GID4: variants seen among roughly 807,000 people sequenced by gnomAD.
GID4 encodes the protein GID complex subunit 4 homolog.
GID4 carries 7 observed loss-of-function variants against 32.4 expected under a neutral mutation model. The ratio of observed to expected loss-of-function variants is 0.22; its 90% CI spans 0.12 to 0.41. The LOEUF is 0.41. Among genes scored for constraint, GID4 ranks in the 10% least tolerant of loss-of-function variants. GID4 has a pLI of 1.00. For missense variants in GID4, 309 were observed against 400.0 expected (o/e 0.77, Z 1.94); for synonymous variants, 166 against 170.0 (o/e 0.98, Z 0.18).
rs2045021289 is a variant in GID4, at chr17:18,061,999, C to G, written c.839+24C>G. Reference sequence around the variant, plus strand: ...TGGTGAGGACCTCTGAGGACAGAGGCCACGGGGAGGGCTTGCTGCCCAGCT... The same window carrying G: ...TGGTGAGGACCTCTGAGGACAGAGGGCACGGGGAGGGCTTGCTGCCCAGCT... On this transcript the variant is annotated intron_variant, in intron 5 of 5. Coordinates refer to ENST00000268719, the MANE Select transcript of GID4 (RefSeq NM_024052.5). This position sits in a 1 kb window ranked among gnomAD's most constrained non-coding sequence, Gnocchi z 4.4. 1 of 1,610,414 alleles carries G rather than the reference C, an allele frequency of 6.2e-7. No individual in the cohort carries two copies. Among genetic ancestry groups the G allele is most frequent in the Non-Finnish European group, 8.5e-7 (1 of 1,178,582 alleles).
chr17:18,041,086 C>T (rs921222242), intron 1 of GID4, among the ~76,000 whole-genome samples: 1 of 152,124 alleles, frequency 6.6e-6, no homozygotes, highest in Non-Finnish European at 1.5e-5. Flanking sequence ...ACCCCTTTCC[C>T]CTTCCCTTTG....
chr17:18,065,503 C>T lies in GID4; in HGVS notation c.*260C>T, dbSNP rs1317801546. 1 of 484,676 alleles carries T rather than the reference C, an allele frequency of 2.1e-6. No individual in the cohort carries two copies. Among genetic ancestry groups the T allele is most frequent in the African/African-American group, 2.0e-5 (1 of 50,862 alleles). 30.0% of individuals were successfully genotyped at this position (484,676 alleles called of 1,614,324 possible). A position where few individuals can be genotyped will look rare whatever the true frequency, so the allele number is the denominator to read the frequency against. On this transcript the variant is annotated 3_prime_UTR_variant, in exon 6 of 6. Transcript: ENST00000268719. ...CTGTTTTTAAGCTACCTTAAACGCA[C>T]TTTTCCTTCCTGCACAGCTAACTTC...
rs551589699 is a variant in GID4 at position 18,065,501 on chromosome 17, C to G, written c.*258C>G. 1 of 495,282 alleles carries G rather than the reference C, an allele frequency of 2.0e-6. No homozygotes were observed. The highest frequency in any genetic ancestry group is 2.0e-5 in the African/African-American group (1 of 51,146). The allele number at this position is 495,282 out of a possible 1,614,324, so 30.7% of individuals were successfully genotyped here. ...ACCTGTTTTTAAGCTACCTTAAACGCACTTTTCCTTCCTGCACAGCTAACT... is the reference window on the plus strand; with the variant it reads ...ACCTGTTTTTAAGCTACCTTAAACGGACTTTTCCTTCCTGCACAGCTAACT... On this transcript the variant is annotated 3_prime_UTR_variant, in exon 6 of 6. Coordinates refer to ENST00000268719, the MANE Select transcript of GID4 (RefSeq NM_024052.5).
chr17:18,055,761 A>G (rs1417965492), intron 3 of GID4, among the ~76,000 whole-genome samples: 1 of 151,872 alleles, frequency 6.6e-6, no homozygotes, highest in East Asian at 1.9e-4. Flanking sequence ...AAGTGCTGGG[A>G]TTATAGGTGT....
intron 5 of GID4, among the ~76,000 whole-genome samples, chr17:18,064,243 C>T (rs900776154): frequency 2.6e-5 from 4 of 152,134 alleles, no homozygotes; most frequent in African/African-American, 9.7e-5. Context: ...AACTGCCAAA[C>T]TGTTTCCCAC....
chr17:18,043,846 T>C (rs1334945077), intron 1 of GID4, among the ~76,000 whole-genome samples: 1 of 152,226 alleles, frequency 6.6e-6, no homozygotes, highest in Admixed American at 6.5e-5. Flanking sequence ...ACAGGTACCC[T>C]TGTACTTGGT....
Position 18,054,245 on chromosome 17 carries a change from C to G in GID4, c.606+11C>G. 1 of 1,492,816 alleles carries G rather than the reference C, an allele frequency of 6.7e-7. No homozygotes were observed. The highest frequency in any genetic ancestry group is 9.3e-7 in the Non-Finnish European group (1 of 1,069,788). The allele number at this position is 1,492,816 out of a possible 1,614,324, so 92.5% of individuals were successfully genotyped here. The stretch of plus-strand genomic sequence containing the variant: ...GATCGGAAACACTGGGTGAGTAAAT[C>G]TGATCTGTGCTGGGTCATCTAGGGG... On this transcript the variant is annotated intron_variant, in intron 3 of 5. Coordinates refer to ENST00000268719, the MANE Select transcript of GID4 (RefSeq NM_024052.5).
In GID4 at chr17:18,061,688, A is replaced by G. The variant is rs112549393; in HGVS notation, c.709-157A>G. Among the ~76,000 whole-genome samples, 1 of 151,790 alleles carries G rather than the reference A, an allele frequency of 6.6e-6. No individual in the cohort carries two copies. Among genetic ancestry groups the G allele is most frequent in the Non-Finnish European group, 1.5e-5 (1 of 67,962 alleles). On this transcript the variant is annotated intron_variant, in intron 4 of 5. Coordinates refer to ENST00000268719, the MANE Select transcript of GID4 (RefSeq NM_024052.5). This position sits in a 1 kb window ranked among gnomAD's most constrained non-coding sequence, Gnocchi z 4.4. ...GACGCTTTTTAGAAGTCAGGCTGAGACCCCACGGGCCCGCCATCACCCAGC... is the reference window on the plus strand; with the variant it reads ...GACGCTTTTTAGAAGTCAGGCTGAGGCCCCACGGGCCCGCCATCACCCAGC...
At chr17:18,062,022 G>T (rs747647429) in intron 5 of GID4, 47 bp downstream of exon 5, 1 of 1,600,256 alleles carries the variant, frequency 6.2e-7, no homozygotes, top group Non-Finnish European at 8.5e-7. Context: ...TTGCTGCCCA[G>T]CTGGCTCTCC....
In GID4 at chr17:18,061,701, G is replaced by T. The variant is rs755977472; in HGVS notation, c.709-144G>T. On this transcript the variant is annotated intron_variant, in intron 4 of 5. Transcript: ENST00000268719. This position sits in a 1 kb window ranked among gnomAD's most constrained non-coding sequence, Gnocchi z 4.4. ...AGTCAGGCTGAGACCCCACGGGCCC[G>T]CCATCACCCAGCAAGTCTAGGTTAG... 2 of 753,670 alleles carry T rather than the reference G, an allele frequency of 2.7e-6. No homozygotes were observed. The highest frequency in any genetic ancestry group is 1.7e-5 in the African/African-American group (1 of 57,274). The allele number at this position is 753,670 out of a possible 1,614,324, so 46.7% of individuals were successfully genotyped here. A position where few individuals can be genotyped will look rare whatever the true frequency, so the allele number is the denominator to read the frequency against.
At chr17:18,044,215 A>C (rs1207804162) in intron 1 of GID4, among the ~76,000 whole-genome samples, 2 of 152,160 alleles carry the variant, frequency 1.3e-5, no homozygotes, top group African/African-American at 4.8e-5. Flanking sequence ...GGAGACTTAC[A>C]CATCTGATGA....
rs1382567638 is a variant in GID4 at position 18,068,152 on chromosome 17, A to C, written c.*2909A>C. On this transcript the variant is annotated 3_prime_UTR_variant, in exon 6 of 6. Coordinates refer to ENST00000268719, the MANE Select transcript of GID4 (RefSeq NM_024052.5). ...AAATAGTCTGATAAGCTAATTTTTA[A>C]AAAGAAATGCCATTAACTGTGTTGT... 1 of 152,674 alleles carries C rather than the reference A, an allele frequency of 6.5e-6. No individual in the cohort carries two copies. Among genetic ancestry groups the C allele is most frequent in the Non-Finnish European group, 1.5e-5 (1 of 68,050 alleles). The allele number at this position is 152,674 out of a possible 1,614,324, so 9.5% of individuals were successfully genotyped here.
chr17:18,041,717 G>A (rs955628320), intron 1 of GID4, among the ~76,000 whole-genome samples: 2 of 152,214 alleles, frequency 1.3e-5, no homozygotes, highest in Admixed American at 1.3e-4. Flanking sequence ...TTCTGATGTA[G>A]TAGGGGACAA....
intron 2 of GID4, among the ~76,000 whole-genome samples, chr17:18,045,486 A>G (rs1381948389): frequency 1.3e-5 from 2 of 152,220 alleles, no homozygotes; most frequent in East Asian, 1.9e-4. Context: ...GGGGGAAAAA[A>G]TAATAAGAAT....
chr17:18,065,358 G>A lies in GID4; in HGVS notation c.*115G>A. ...GTGTGTTCCTGTTTCTTCACGAGCA[G>A]ACTCGCATCACAAAGCATGAATGTT... is the stretch of plus-strand genomic sequence containing the variant. On this transcript the variant is annotated 3_prime_UTR_variant, in exon 6 of 6. Transcript: ENST00000268719. 2 of 779,512 alleles carry A rather than the reference G, an allele frequency of 2.6e-6. No individual in the cohort carries two copies. The highest frequency in any genetic ancestry group is 4.4e-6 in the Non-Finnish European group (2 of 451,280). The allele number at this position is 779,512 out of a possible 1,614,324, so 48.3% of individuals were successfully genotyped here. A position where few individuals can be genotyped will look rare whatever the true frequency, so the allele number is the denominator to read the frequency against.
chr17:18,042,027 G>C (rs545790947), intron 1 of GID4, among the ~76,000 whole-genome samples: 1 of 152,368 alleles, frequency 6.6e-6, no homozygotes, highest in East Asian at 1.9e-4. Flanking sequence ...CGACTAGTCA[G>C]TGGCATGTGA....
intron 3 of GID4, chr17:18,056,676 C>T: frequency 6.5e-7 from 1 of 1,540,260 alleles, no homozygotes; most frequent in Non-Finnish European, 8.8e-7. Flanking sequence ...GAAAGCAACT[C>T]TTAATTTTCC....
chr17:18,060,727 G>T (rs1414677321), intron 4 of GID4, among the ~76,000 whole-genome samples: 4 of 148,162 alleles, frequency 2.7e-5, no homozygotes, highest in Non-Finnish European at 6.0e-5. Flanking sequence ...TAATTTTTGG[G>T]TTTTTTTGTT....
intron 4 of GID4, 120 bp downstream of exon 4, chr17:18,059,089 G>T (rs1015434281): frequency 1.6e-6 from 1 of 630,336 alleles, no homozygotes; most frequent in Admixed American, 2.7e-5. Context: ...GGTTGTCATG[G>T]CAAAGTCTTC....
Sources: gnomAD v4.1 joint callset for allele counts (sites outside exome capture counted in the v4.1 genomes callset) on GRCh38, gnomAD v4.1.1 for gene constraint, Gnocchi (gnomAD v3.1) non-coding constraint, MANE v1.5 for transcripts, NCBI Gene and HGNC (gene_info 2026-07-23, HGNC 2026-07-21) for gene names.